The following COL28A1 variants were observed in gnomAD, a reference collection of about 807,000 sequenced individuals.
The protein encoded by COL28A1 is collagen type XXVIII alpha 1 chain, also known as collagen alpha-1(XXVIII) chain.
A neutral mutation model predicts 150.2 loss-of-function variants in COL28A1; 161 were observed. The observed-to-expected ratio is 1.07, with a 90% CI of 0.94 to 1.22. The LOEUF (loss-of-function observed/expected upper bound fraction) is 1.22, where lower values mean the gene tolerates loss of function less well. Among genes scored for constraint, COL28A1 ranks in the 50% most tolerant of loss-of-function variants. The pLI is 0.00. For missense variants in COL28A1, 1,617 were observed against 1,388.3 expected (o/e 1.16, Z -2.62); for synonymous variants, 552 against 469.7 (o/e 1.18, Z -2.26).
rs201493094 is a variant in COL28A1 at position 7,477,366 on chromosome 7, T to C, written c.1165-186A>G. ...CTACTTTATTAGTTCCTAAATACTA[T>C]AGCATAATAACTATTTACACAGCAT... On this transcript the variant is annotated intron_variant, in intron 13 of 34. Transcript: ENST00000399429. Among the ~76,000 whole-genome samples, 13 of 152,354 alleles carry C rather than the reference T, an allele frequency of 8.5e-5. No homozygotes were observed. In the East Asian group the frequency reaches 2.3e-3, roughly 27 times the overall value.
intron 25 of COL28A1, chr7:7,431,383 T>A (rs897087277): frequency 1.9e-5 from 7 of 360,890 alleles, no homozygotes; most frequent in African/African-American, 1.5e-4. Context: ...GAGAAATAAA[T>A]GAGGAAGATG....
At chr7:7,389,308 G>A (rs1202721746) in intron 27 of COL28A1, among the ~76,000 whole-genome samples, 1 of 152,146 alleles carries the variant, frequency 6.6e-6, no homozygotes, top group African/African-American at 2.4e-5. Flanking sequence ...GATGGTTGTA[G>A]ATGTATAGTG....
intron 27 of COL28A1, among the ~76,000 whole-genome samples, chr7:7,387,522 G>A (rs760205044): frequency 1.3e-5 from 2 of 152,018 alleles, no homozygotes; most frequent in Non-Finnish European, 2.9e-5. Flanking sequence ...AAATACTGAT[G>A]TATTAGGAGT....
chr7:7,445,180 A>G (rs1786154463), intron 18 of COL28A1, among the ~76,000 whole-genome samples: 1 of 152,190 alleles, frequency 6.6e-6, no homozygotes, highest in African/African-American at 2.4e-5. Flanking sequence ...TTTATAAATT[A>G]CCCAGTCTCA....
intron 15 of COL28A1, among the ~76,000 whole-genome samples, chr7:7,471,456 T>A (rs1788421778): frequency 6.6e-6 from 1 of 152,198 alleles, no homozygotes; most frequent in African/African-American, 2.4e-5. Flanking sequence ...TGAACATATA[T>A]GCTAAAATCC....
At chr7:7,408,202 A>T (rs1456217243) in intron 27 of COL28A1, among the ~76,000 whole-genome samples, 1 of 152,098 alleles carries the variant, frequency 6.6e-6, no homozygotes, top group Non-Finnish European at 1.5e-5. Context: ...AGTTGTTCTG[A>T]AGAACTGCCG....
chr7:7,371,227 A>G (rs1781208563), intron 32 of COL28A1, among the ~76,000 whole-genome samples: 1 of 152,222 alleles, frequency 6.6e-6, no homozygotes, highest in South Asian at 2.1e-4. Context: ...CCAGTTGCAA[A>G]TATTCTTTAC....
chr7:7,529,289 CAA>C (rs5882129), intron 3 of COL28A1, among the ~76,000 whole-genome samples: 69 of 127,250 alleles, frequency 5.4e-4, no homozygotes, highest in African/African-American at 8.4e-4. Context: ...AACTCTGTCT[CAA>C]AAAAAAAAAA....
chr7:7,440,859 A>G lies in COL28A1; in HGVS notation c.1653T>C (p.Gly551=), dbSNP rs757494656. Reference sequence around the variant, plus strand: ...CTTTGCTCCCTTTCTTGCCTTCGTCACCCTAACAAAATAATTATGAAAATA... The same window carrying G: ...CTTTGCTCCCTTTCTTGCCTTCGTCGCCCTAACAAAATAATTATGAAAATA... The part of the protein sequence containing the change: ...PPGKGQPGPK[G]DEGKKGSKGN... Residue 551 remains glycine, a splice_region_variant and synonymous_variant, in exon 21 of 35, where the codon GGT becomes GGC. Transcript: ENST00000399429. 6.8e-7 allele frequency: 1 copy of G among 1,476,608 alleles called. No homozygotes were observed. The highest frequency in any genetic ancestry group is 1.7e-5 in the Admixed American group (1 of 59,722). 91.5% of individuals were successfully genotyped at this position (1,476,608 alleles called of 1,614,324 possible). A position where few individuals can be genotyped will look rare whatever the true frequency, so the allele number is the denominator to read the frequency against.
chr7:7,473,454 A>G (rs2128349661), intron 15 of COL28A1, among the ~76,000 whole-genome samples: 1 of 152,316 alleles, frequency 6.6e-6, no homozygotes, highest in South Asian at 2.1e-4. Flanking sequence ...ATCACTAACG[A>G]TCAGAGAAAT....
intron 2 of COL28A1, among the ~76,000 whole-genome samples, 181 bp from the exon 3 acceptor site, chr7:7,532,085 G>T (rs920911686): frequency 2.6e-5 from 4 of 152,102 alleles, no homozygotes; most frequent in Non-Finnish European, 5.9e-5. Flanking sequence ...CTAAGTTTAT[G>T]AATTATTTTC....
At chr7:7,396,254 G>A (rs1782828532) in intron 27 of COL28A1, among the ~76,000 whole-genome samples, 1 of 152,112 alleles carries the variant, frequency 6.6e-6, no homozygotes, top group South Asian at 2.1e-4. Flanking sequence ...ACCAGCAACT[G>A]CCATTTATTG....
chr7:7,366,230 C>A (rs1320721389), intron 33 of COL28A1, among the ~76,000 whole-genome samples: 1 of 152,160 alleles, frequency 6.6e-6, no homozygotes, highest in African/African-American at 2.4e-5. Flanking sequence ...TATGAGATTT[C>A]ATTTCTAAGA....
intron 18 of COL28A1, among the ~76,000 whole-genome samples, chr7:7,447,786 C>A (rs1444633620): frequency 6.6e-6 from 1 of 151,988 alleles, no homozygotes; most frequent in African/African-American, 2.4e-5. Flanking sequence ...TAAAAGCTAT[C>A]CTAAATTAAA....
intron 15 of COL28A1, among the ~76,000 whole-genome samples, chr7:7,465,665 C>A: frequency 9.9e-6 from 1 of 100,792 alleles, no homozygotes. Flanking sequence ...CACAGACAAA[C>A]AAAAAGACAG....
At chr7:7,502,679 GAT>G (rs1780599556) in intron 11 of COL28A1, among the ~76,000 whole-genome samples, 1 of 144,394 alleles carries the variant, frequency 6.9e-6, no homozygotes, top group South Asian at 2.2e-4. Flanking sequence ...TTTCTCCCAA[GAT>G]ATTCCCTTCC....
chr7:7,542,140 G>C, the COL28A1 span, among the ~76,000 whole-genome samples: 1 of 152,172 alleles, frequency 6.6e-6, no homozygotes, highest in Non-Finnish European at 1.5e-5. Context: ...ACAAGGTCAG[G>C]AGATCAAGGC....
At chr7:7,356,931 A>G (rs887944642), downstream of COL28A1, 1 of 152,214 alleles carries the variant, frequency 6.6e-6, no homozygotes, top group Admixed American at 6.5e-5. Context: ...AAAATTATAC[A>G]TATCATTATT....
At position 7,370,825 on chromosome 7, in the gene COL28A1, A is replaced by C. The variant is rs940994581; in HGVS notation, c.2966T>G (p.Val989Gly). Residue 989 changes from valine to glycine, a missense_variant, in exon 33 of 35, where the codon GTT (valine) becomes GGT (glycine). Coordinates refer to ENST00000399429, the MANE Select transcript of COL28A1 (RefSeq NM_001037763.3). The part of the protein sequence containing the change: ...KICEDFDSYL[V>G]QIFGSSSPQP... ...AGGTGACGATGAACCAAAAATTTGA[A>C]CGAGATAGGAATCAAAATCCTCACA... 1.2e-6 allele frequency: 2 copies of C among 1,613,552 alleles called. No individual in the cohort carries two copies. Among genetic ancestry groups the C allele is most frequent in the Admixed American group, 1.7e-5 (1 of 59,988 alleles).
Sources: allele counts gnomAD v4.1 joint callset (sites outside exome capture counted in the v4.1 genomes callset), GRCh38; gene constraint gnomAD v4.1.1; transcripts MANE v1.5; gene names NCBI Gene and HGNC (gene_info 2026-07-23, HGNC 2026-07-21).